The following ASB13 variants were observed in gnomAD, a reference collection of about 807,000 sequenced individuals.
The protein encoded by ASB13 is ankyrin repeat and SOCS box containing 13.
Under a neutral mutation model 28.8 loss-of-function variants are expected in ASB13, and 33 were observed. The ratio of observed to expected loss-of-function variants is 1.15; its 90% CI spans 0.87 to 1.53. The LOEUF (loss-of-function observed/expected upper bound fraction) is 1.53, where lower values mean the gene tolerates loss of function less well. Ranked by LOEUF, ASB13 falls within the 40% of genes most tolerant of loss-of-function variation. The pLI, the probability that ASB13 is intolerant of heterozygous loss-of-function variation, is 0.00. For synonymous variants in ASB13, 182 were observed against 172.9 expected, an observed-to-expected ratio of 1.05 and a Z score of -0.41; for missense variants, 414 against 390.1, an observed-to-expected ratio of 1.06 and a Z score of -0.52.
Position 5,640,474 on chromosome 10 carries a change from C to G in ASB13, c.*229G>C. The stretch of plus-strand genomic sequence containing the variant: ...CATTGAGAGGGTAGGTTCTGTAGAA[C>G]AGCGCAGGGCCACACCCACAACTGT... On this transcript the variant is annotated 3_prime_UTR_variant, in exon 6 of 6. Coordinates refer to ENST00000357700, the MANE Select transcript of ASB13 (RefSeq NM_024701.4). 1 of 518,476 alleles carries G rather than the reference C, an allele frequency of 1.9e-6. No homozygotes were observed. The highest frequency in any genetic ancestry group is 2.3e-5 in the South Asian group (1 of 43,692). The allele number at this position is 518,476 out of a possible 1,614,324, so 32.1% of individuals were successfully genotyped here. A position where few individuals can be genotyped will look rare whatever the true frequency, so the allele number is the denominator to read the frequency against.
chr10:5,640,766 C>G lies in ASB13; in HGVS notation c.774G>C (p.Gly258=), dbSNP rs1355367662. 1 of 1,614,130 alleles carries G rather than the reference C, an allele frequency of 6.2e-7. No individual in the cohort carries two copies. The highest frequency in any genetic ancestry group is 8.5e-7 in the Non-Finnish European group (1 of 1,180,010). ...TGTTTAACTTGGCAATCTTCTCCAG[C>G]CCTCGGACGCCAGTGGCCTTCCTCA... The part of the protein sequence containing the change: ...VNLRKATGVR[G]LEKIAKLNIP... The change falls in exon 6 of 6, where the codon GGG becomes GGC. Residue 258 remains glycine, a synonymous_variant. Transcript: ENST00000357700.
Position 5,656,269 on chromosome 10 carries a change from G to A in ASB13, c.44-3219C>T. Among the ~76,000 whole-genome samples the A allele has an allele frequency of 6.6e-6, 1 of 152,236 alleles. No individual in the cohort carries two copies. The highest frequency in any genetic ancestry group is 1.9e-4 in the East Asian group (1 of 5,200). ...CAATTATAAAGTCTGACTGGTCAAGGTGGTTCAAGCCTGTAATCCCAGCAC... is the reference window on the plus strand; with the variant it reads ...CAATTATAAAGTCTGACTGGTCAAGATGGTTCAAGCCTGTAATCCCAGCAC... On this transcript the variant is annotated intron_variant, in intron 1 of 5. Coordinates refer to ENST00000357700, the MANE Select transcript of ASB13 (RefSeq NM_024701.4). The surrounding 1 kb of genome is among the most constrained non-coding windows in gnomAD (Gnocchi z 4.3).
rs1220960364 is a variant in ASB13 at position 5,645,582 on chromosome 10, A to AG, written c.517+3387dup. On this transcript the variant is annotated intron_variant, in intron 4 of 5. Coordinates refer to ENST00000357700, the MANE Select transcript of ASB13 (RefSeq NM_024701.4). This position sits in a 1 kb window ranked among gnomAD's most constrained non-coding sequence, Gnocchi z 5.4. The stretch of plus-strand genomic sequence containing the variant: ...GGGGTGCAACGTGGCTCTGCCTCAC[A>AG]GCTCAGCTCTCAAACCGCACATGAA... 2.0e-5 allele frequency among the ~76,000 whole-genome samples: 3 copies of AG among 152,182 alleles called. No homozygotes were observed. The highest frequency in any genetic ancestry group is 6.5e-5 in the Admixed American group (1 of 15,286).
chr10:5,654,469 G>C (rs998544205), intron 1 of ASB13, among the ~76,000 whole-genome samples: 6 of 152,138 alleles, frequency 3.9e-5, no homozygotes, highest in East Asian at 1.9e-4. Flanking sequence ...GACAATGGCC[G>C]GGCTTAGTCA....
Position 5,661,673 on chromosome 10 carries a change from A to G in ASB13, c.43+4836T>C, listed in dbSNP as rs1835168863. On this transcript the variant is annotated intron_variant, in intron 1 of 5. Coordinates refer to ENST00000357700, the MANE Select transcript of ASB13 (RefSeq NM_024701.4). This position sits in a 1 kb window ranked among gnomAD's most constrained non-coding sequence, Gnocchi z 4.9. ...CACCACCACACTGGATAATTTTTGT[A>G]TTTTCTGTAGAGACAGGGTTTCACC... 6.6e-6 allele frequency among the ~76,000 whole-genome samples: 1 copy of G among 151,766 alleles called. No individual in the cohort carries two copies. Among genetic ancestry groups the G allele is most frequent in the Non-Finnish European group, 1.5e-5 (1 of 67,960 alleles).
At position 5,659,094 on chromosome 10, in the gene ASB13, T is replaced by C. The variant is rs949549483; in HGVS notation, c.44-6044A>G. 6.6e-6 allele frequency among the ~76,000 whole-genome samples: 1 copy of C among 152,176 alleles called. No homozygotes were observed. The highest frequency in any genetic ancestry group is 1.5e-5 in the Non-Finnish European group (1 of 68,024). On this transcript the variant is annotated intron_variant, in intron 1 of 5. Transcript: ENST00000357700. The surrounding 1 kb of genome is among the most constrained non-coding windows in gnomAD (Gnocchi z 5.8). ...GATGAGGAGTGAGCACAGGAAATGC[T>C]GTCTGTTAGTGAATGGACTGGCCAG...
At position 5,651,770 on chromosome 10, in the gene ASB13, G is replaced by A. The variant is rs1009424698; in HGVS notation, c.232-407C>T. On this transcript the variant is annotated intron_variant, in intron 2 of 5. Transcript: ENST00000357700. The surrounding 1 kb of genome is among the most constrained non-coding windows in gnomAD (Gnocchi z 5.1). ...GTAACCCCAGCACTTCGGAAGGCGA[G>A]GAGGGAGGGTCACTTGAGCTCAGGA... is the stretch of plus-strand genomic sequence containing the variant. 2.6e-5 allele frequency among the ~76,000 whole-genome samples: 4 copies of A among 151,994 alleles called. No individual in the cohort carries two copies. The highest frequency in any genetic ancestry group is 5.9e-5 in the Non-Finnish European group (4 of 67,998).
At chr10:5,648,713 G>A (rs1264284412) in intron 4 of ASB13, among the ~76,000 whole-genome samples, 1 of 148,548 alleles carries the variant, frequency 6.7e-6, no homozygotes, top group Non-Finnish European at 1.5e-5. Flanking sequence ...CACCCCCGGG[G>A]GTAAACACCC....
In ASB13 at chr10:5,655,449, G is replaced by T. The variant is rs928620774; in HGVS notation, c.44-2399C>A. Among the ~76,000 whole-genome samples, 2 of 152,228 alleles carry T rather than the reference G, an allele frequency of 1.3e-5. No individual in the cohort carries two copies. The highest frequency in any genetic ancestry group is 6.5e-5 in the Admixed American group (1 of 15,288). On this transcript the variant is annotated intron_variant, in intron 1 of 5. Coordinates refer to ENST00000357700, the MANE Select transcript of ASB13 (RefSeq NM_024701.4). This position sits in a 1 kb window ranked among gnomAD's most constrained non-coding sequence, Gnocchi z 6.2. Reference sequence around the variant, plus strand: ...CACTTAAAGGGTGGGGCCTGGCACCGAATCAGTGCTCAATAAACACTGTCT... The same window carrying T: ...CACTTAAAGGGTGGGGCCTGGCACCTAATCAGTGCTCAATAAACACTGTCT...
chr10:5,656,912 GCACTTTAGA>G lies in ASB13; in HGVS notation c.44-3871_44-3863del. Among the ~76,000 whole-genome samples the G allele has an allele frequency of 6.6e-6, 1 of 152,232 alleles. No individual in the cohort carries two copies. The highest frequency in any genetic ancestry group is 2.4e-5 in the African/African-American group (1 of 41,530). ...CCCGAAACCTGTACTGACTTAGACG[GCACTTTAGA>G]CACTTATCTACCATCTTCCTGGTTT... On this transcript the variant is annotated intron_variant, in intron 1 of 5. Coordinates refer to ENST00000357700, the MANE Select transcript of ASB13 (RefSeq NM_024701.4). The surrounding 1 kb of genome is among the most constrained non-coding windows in gnomAD (Gnocchi z 4.3).
rs1010437110 is a variant in ASB13 at position 5,650,649 on chromosome 10, C to G, written c.382+564G>C. Among the ~76,000 whole-genome samples, 4 of 152,274 alleles carry G rather than the reference C, an allele frequency of 2.6e-5. No homozygotes were observed. The highest frequency in any genetic ancestry group is 5.9e-5 in the Non-Finnish European group (4 of 68,048). ...GTCTCACCCTAAATTCCAGTCCTCT[C>G]TGCTCCACTGGGAGCTTCTGATGCA... On this transcript the variant is annotated intron_variant, in intron 3 of 5. Coordinates refer to ENST00000357700, the MANE Select transcript of ASB13 (RefSeq NM_024701.4). The surrounding 1 kb of genome is among the most constrained non-coding windows in gnomAD (Gnocchi z 6.0).
In ASB13 at chr10:5,660,752, C is replaced by T. The variant is rs914432083; in HGVS notation, c.43+5757G>A. ...TCTCATCTTTGTTCCATAGCAAGCC[C>T]CCCAATCTTGCATTCCAGCTCCAGT... On this transcript the variant is annotated intron_variant, in intron 1 of 5. Coordinates refer to ENST00000357700, the MANE Select transcript of ASB13 (RefSeq NM_024701.4). The surrounding 1 kb of genome is among the most constrained non-coding windows in gnomAD (Gnocchi z 6.1). Among the ~76,000 whole-genome samples, 13 of 152,270 alleles carry T rather than the reference C, an allele frequency of 8.5e-5. No homozygotes were observed. In the Middle Eastern group the frequency reaches 0.01, roughly 120 times the overall value.
Position 5,650,080 on chromosome 10 carries a change from C to T in ASB13, c.383-976G>A, listed in dbSNP as rs1216228368. Among the ~76,000 whole-genome samples the T allele has an allele frequency of 6.6e-6, 1 of 152,188 alleles. No homozygotes were observed. The highest frequency in any genetic ancestry group is 6.5e-5 in the Admixed American group (1 of 15,272). ...TAGAGCCCTCTCCCTTTCCTGGGGTCCTTGCTCCTGACTCAAACCTGACTC... is the reference window on the plus strand; with the variant it reads ...TAGAGCCCTCTCCCTTTCCTGGGGTTCTTGCTCCTGACTCAAACCTGACTC... On this transcript the variant is annotated intron_variant, in intron 3 of 5. Coordinates refer to ENST00000357700, the MANE Select transcript of ASB13 (RefSeq NM_024701.4). The surrounding 1 kb of genome is among the most constrained non-coding windows in gnomAD (Gnocchi z 6.0).
chr10:5,662,294 G>T (rs536162780), intron 1 of ASB13, among the ~76,000 whole-genome samples: 1 of 151,782 alleles, frequency 6.6e-6, no homozygotes, highest in Non-Finnish European at 1.5e-5. Flanking sequence ...TGAGGCAGGC[G>T]GATCACCTGA....
chr10:5,666,380 A>G, intron 1 of ASB13, 129 bp downstream of exon 1: 1 of 785,990 alleles, frequency 1.3e-6, no homozygotes, highest in Non-Finnish European at 1.6e-6. Context: ...CCACCCCGCC[A>G]AACGCCCCCG....
chr10:5,662,022 C>G (rs1240329515), intron 1 of ASB13, among the ~76,000 whole-genome samples: 1 of 152,116 alleles, frequency 6.6e-6, no homozygotes, highest in Non-Finnish European at 1.5e-5. Context: ...CGGGCGAGCA[C>G]ACACTTGGGG....
Position 5,641,678 on chromosome 10 carries a change from C to T in ASB13, c.709+92G>A, listed in dbSNP as rs2131440185. 1.5e-6 allele frequency: 2 copies of T among 1,361,644 alleles called. No homozygotes were observed. Among genetic ancestry groups the T allele is most frequent in the Non-Finnish European group, 2.0e-6 (2 of 1,001,710 alleles). 84.3% of individuals were successfully genotyped at this position (1,361,644 alleles called of 1,614,324 possible). Reference sequence around the variant, plus strand: ...AGGACAGGAGCCAGGACTAACAGCCCAGCTCTCCGCGGAAGCCCACAGGGA... The same window carrying T: ...AGGACAGGAGCCAGGACTAACAGCCTAGCTCTCCGCGGAAGCCCACAGGGA... On this transcript the variant is annotated intron_variant, in intron 5 of 5. Transcript: ENST00000357700. The surrounding 1 kb of genome is among the most constrained non-coding windows in gnomAD (Gnocchi z 8.4).
In ASB13 at chr10:5,661,393, C is replaced by T. The variant is rs545168509; in HGVS notation, c.43+5116G>A. Among the ~76,000 whole-genome samples the T allele has an allele frequency of 1.3e-5, 2 of 152,370 alleles. No individual in the cohort carries two copies. Among genetic ancestry groups the T allele is most frequent in the African/African-American group, 4.8e-5 (2 of 41,594 alleles). On this transcript the variant is annotated intron_variant, in intron 1 of 5. Coordinates refer to ENST00000357700, the MANE Select transcript of ASB13 (RefSeq NM_024701.4). The surrounding 1 kb of genome is among the most constrained non-coding windows in gnomAD (Gnocchi z 4.9). ...CTCCAACAAAGAGCATTCTCAAATG[C>T]CACCAGGGACACCTTCCAGACAAAG...
Position 5,652,749 on chromosome 10 carries a change from C to A in ASB13, c.231+114G>T. 1 of 1,090,926 alleles carries A rather than the reference C, an allele frequency of 9.2e-7. No homozygotes were observed. The highest frequency in any genetic ancestry group is 1.2e-6 in the Non-Finnish European group (1 of 802,710). 67.6% of individuals were successfully genotyped at this position (1,090,926 alleles called of 1,614,324 possible). A position where few individuals can be genotyped will look rare whatever the true frequency, so the allele number is the denominator to read the frequency against. On this transcript the variant is annotated intron_variant, in intron 2 of 5. Coordinates refer to ENST00000357700, the MANE Select transcript of ASB13 (RefSeq NM_024701.4). The surrounding 1 kb of genome is among the most constrained non-coding windows in gnomAD (Gnocchi z 5.0). ...CCATGGGCTTCCTGGTACCTGTGTG[C>A]AGTGGACACAGTGCAGCCCCCATCC...
Sources: gnomAD v4.1 joint callset for allele counts (sites outside exome capture counted in the v4.1 genomes callset) on GRCh38, gnomAD v4.1.1 for gene constraint, Gnocchi (gnomAD v3.1) non-coding constraint, MANE v1.5 for transcripts, NCBI Gene and HGNC (gene_info 2026-07-23, HGNC 2026-07-21) for gene names.